Variants in SYNC observed in about 807,000 individuals in gnomAD.
The protein encoded by SYNC is syncoilin.
A neutral mutation model predicts 49.5 loss-of-function variants in SYNC; 38 were observed. The ratio of observed to expected loss-of-function variants is 0.77; its 90% CI spans 0.59 to 1.01. The LOEUF (loss-of-function observed/expected upper bound fraction) is 1.01. Among genes scored for constraint, SYNC ranks in the 50% least tolerant of loss-of-function variants. The pLI, the probability that SYNC is intolerant of heterozygous loss-of-function variation, is 0.00. For synonymous variants in SYNC, 201 were observed against 230.8 expected (o/e 0.87, Z 1.17); for missense variants, 579 against 580.6 (o/e 1.00, Z 0.03).
At chr1:32,702,876 A>T, upstream of SYNC, 1 of 193,534 alleles carries the variant, frequency 5.2e-6, no homozygotes, top group Non-Finnish European at 9.9e-6. The surrounding 1 kb of genome is among the most constrained non-coding windows in gnomAD (Gnocchi z 6.2). Flanking sequence ...CTCCCGGACC[A>T]GCCTGGGGCG....
Position 32,680,285 on chromosome 1 carries a change from AGT to A in SYNC, c.*1563_*1564del, listed in dbSNP as rs1228679971. ...ATATATTCATATATTTTTGCTCGTT[AGT>A]GTATTTCTTGAGCTGTTTTCATGTT... On this transcript the variant is annotated 3_prime_UTR_variant, in exon 5 of 5. Transcript: ENST00000409190. 1 of 1,247,214 alleles carries A rather than the reference AGT, an allele frequency of 8.0e-7. No individual in the cohort carries two copies. The highest frequency in any genetic ancestry group is 1.6e-5 in the African/African-American group (1 of 60,676). The allele number at this position is 1,247,214 out of a possible 1,614,324, so 77.3% of individuals were successfully genotyped here.
chr1:32,688,316 G>A (rs190439948), intron 2 of SYNC, among the ~76,000 whole-genome samples: 55 of 152,026 alleles, frequency 3.6e-4, no homozygotes, highest in Middle Eastern at 3.4e-3. Flanking sequence ...AACTCATAGA[G>A]ATGTAAGGAC....
rs1649444268 is a variant in SYNC, at chr1:32,681,663, C to G, written c.*187G>C. The G allele has an allele frequency of 2.6e-6, 2 of 780,122 alleles. No individual in the cohort carries two copies. Among genetic ancestry groups the G allele is most frequent in the African/African-American group, 1.7e-5 (1 of 57,288 alleles). The allele number at this position is 780,122 out of a possible 1,614,324, so 48.3% of individuals were successfully genotyped here. ...GAATCCAGCAAAGAGTTGACATGTT[C>G]TGCCTCCGGCCAACTCTAGAATCTT... On this transcript the variant is annotated 3_prime_UTR_variant, in exon 5 of 5. Coordinates refer to ENST00000409190, the MANE Select transcript of SYNC (RefSeq NM_030786.3).
chr1:32,684,196 A>G (rs112155475), intron 3 of SYNC, 62 bp downstream of exon 3: 17 of 1,607,458 alleles, frequency 1.1e-5, no homozygotes, highest in African/African-American at 9.4e-5. Flanking sequence ...AATTTTCCCT[A>G]AGCCCTCCCA....
At chr1:32,701,450 G>A (rs1272456304) in intron 1 of SYNC, among the ~76,000 whole-genome samples, 1 of 152,048 alleles carries the variant, frequency 6.6e-6, no homozygotes, top group African/African-American at 2.4e-5. Context: ...TCCTAGGGTG[G>A]GGCTCTGTAA....
rs1650311546 is a variant in SYNC, at chr1:32,694,575, AC to A, written c.1233+289del. On this transcript the variant is annotated intron_variant, in intron 2 of 4. Coordinates refer to ENST00000409190, the MANE Select transcript of SYNC (RefSeq NM_030786.3). ...AGGCTGAGGCAGGAGAATGGCATGA[AC>A]CCAGGAGGCAGAGCTTGTAGTGAGC... 2.0e-5 allele frequency among the ~76,000 whole-genome samples: 3 copies of A among 151,576 alleles called. No individual in the cohort carries two copies. In the South Asian group the frequency reaches 6.3e-4, roughly 32 times the overall value.
intron 1 of SYNC, among the ~76,000 whole-genome samples, chr1:32,700,090 A>T (rs1191168490): frequency 1.3e-5 from 2 of 152,066 alleles, no homozygotes; most frequent in African/African-American, 4.8e-5. Flanking sequence ...CCAATGCTTG[A>T]CATCCTAGAG....
chr1:32,696,803 T>C (rs1189418155), intron 1 of SYNC, among the ~76,000 whole-genome samples: 5 of 151,924 alleles, frequency 3.3e-5, no homozygotes, highest in Middle Eastern at 3.4e-3. Flanking sequence ...CTTTTTTTTT[T>C]CTTTGAGATG....
rs553129093 is a variant in SYNC, at chr1:32,702,090, T to C, written c.53+518A>G. ...GGTCCCTTCCCCCAATAATCAGCCG[T>C]GCCCTGCCAGGAGGGATAGTGGGGA... On this transcript the variant is annotated intron_variant, in intron 1 of 4. Transcript: ENST00000409190. The surrounding 1 kb of genome is among the most constrained non-coding windows in gnomAD (Gnocchi z 6.2). Among the ~76,000 whole-genome samples, 1 of 152,172 alleles carries C rather than the reference T, an allele frequency of 6.6e-6. No homozygotes were observed. The highest frequency in any genetic ancestry group is 1.9e-4 in the East Asian group (1 of 5,154).
chr1:32,691,830 T>C (rs360031), intron 2 of SYNC, among the ~76,000 whole-genome samples: 129,058 of 152,170 alleles, frequency 0.85, 56,556 homozygotes, highest in Non-Finnish European at 0.96. Context: ...TGACTTGCAT[T>C]ATATTTCTGT....
chr1:32,698,100 G>A (rs1218586313), intron 1 of SYNC, among the ~76,000 whole-genome samples: 1 of 151,432 alleles, frequency 6.6e-6, no homozygotes, highest in Non-Finnish European at 1.5e-5. Flanking sequence ...GTGCATGCCT[G>A]TAATCTCAGC....
intron 2 of SYNC, chr1:32,685,162 A>G (rs2148545762): frequency 6.6e-6 from 1 of 152,248 alleles, no homozygotes; most frequent in Non-Finnish European, 1.5e-5. Context: ...TCCTTTTTTC[A>G]TTACACAAAA....
chr1:32,698,640 T>C (rs2148563386), intron 1 of SYNC, among the ~76,000 whole-genome samples: 2 of 152,298 alleles, frequency 1.3e-5, no homozygotes, highest in Middle Eastern at 6.8e-3. Context: ...TCAGATTCCA[T>C]CATTCTGACA....
chr1:32,703,046 G>C (rs1294360201), upstream of SYNC: 1 of 152,396 alleles, frequency 6.6e-6, no homozygotes, highest in African/African-American at 2.4e-5. Context: ...CAGCCTGGGA[G>C]GGTGGAGGCA....
intron 2 of SYNC, among the ~76,000 whole-genome samples, chr1:32,687,658 G>A (rs367579351): frequency 6.3e-5 from 8 of 127,446 alleles, no homozygotes; most frequent in African/African-American, 2.2e-4. Flanking sequence ...GAGACAGAGC[G>A]AGGCTCCGTC....
intron 2 of SYNC, among the ~76,000 whole-genome samples, chr1:32,692,710 C>T (rs556263500): frequency 6.6e-6 from 1 of 152,098 alleles, no homozygotes; most frequent in East Asian, 1.9e-4. Context: ...CATGCCACTG[C>T]ACTCCACTGC....
At chr1:32,689,234 C>CTTTTTTTT (rs1557872500) in intron 2 of SYNC, among the ~76,000 whole-genome samples, 2 of 18,696 alleles carry the variant, frequency 1.1e-4, no homozygotes, top group Admixed American at 8.5e-4. Flanking sequence ...CCTCGCCTGG[C>CTTTTTTTT]CTTTTTTTTT....
chr1:32,698,783 CTT>C lies in SYNC; in HGVS notation c.54-2741_54-2740del, dbSNP rs113450268. Among the ~76,000 whole-genome samples, 843 of 140,326 alleles carry C rather than the reference CTT, an allele frequency of 6.0e-3. 6 individuals carry two copies. The highest frequency in any genetic ancestry group is 0.029 in the Middle Eastern group (8 of 278). 92.1% of individuals were successfully genotyped at this position (140,326 alleles called of 152,430 possible). On this transcript the variant is annotated intron_variant, in intron 1 of 4. Coordinates refer to ENST00000409190, the MANE Select transcript of SYNC (RefSeq NM_030786.3). ...CCTGTTTCTGTTTTTTTGTTTTTGTCTTTTTTTTTTTTTTTGAGATGGAGTCT... is the reference window on the plus strand; with the variant it reads ...CCTGTTTCTGTTTTTTTGTTTTTGTCTTTTTTTTTTTTTGAGATGGAGTCT...
upstream of SYNC, chr1:32,702,842 C>T (rs1189836871): frequency 3.7e-5 from 12 of 321,504 alleles, no homozygotes; most frequent in Non-Finnish European, 5.5e-5. This position sits in a 1 kb window ranked among gnomAD's most constrained non-coding sequence, Gnocchi z 6.2. Flanking sequence ...GCCGCGCGGA[C>T]CTGGGGGCGG....
Sources: allele counts gnomAD v4.1 joint callset (sites outside exome capture counted in the v4.1 genomes callset), GRCh38; gene constraint gnomAD v4.1.1; non-coding constraint Gnocchi (gnomAD v3.1); transcripts MANE v1.5; gene names NCBI Gene and HGNC (gene_info 2026-07-23, HGNC 2026-07-21).